The following DIAPH1 variants were observed in gnomAD, a reference collection of about 807,000 sequenced individuals.
The protein encoded by DIAPH1 is diaphanous related formin 1, also known as protein diaphanous homolog 1.
In DIAPH1, 46 loss-of-function variants were observed where a neutral mutation model predicts 140.7. The ratio of observed to expected loss-of-function variants is 0.33; its 90% CI spans 0.26 to 0.42. DIAPH1 has a LOEUF of 0.42. Ranked by LOEUF, DIAPH1 falls within the 10% of genes least tolerant of loss-of-function variation. DIAPH1 has a pLI of 1.00. For synonymous variants in DIAPH1, 565 were observed against 551.6 expected, an observed-to-expected ratio of 1.02 and a Z score of -0.34; for missense variants, 1,310 against 1,558.7, an observed-to-expected ratio of 0.84 and a Z score of 2.69.
intron 18 of DIAPH1, among the ~76,000 whole-genome samples, chr5:141,556,281 A>C (rs1168485393): frequency 6.6e-6 from 1 of 152,144 alleles, no homozygotes; most frequent in Admixed American, 6.5e-5. Context: ...ATTGAGTCTT[A>C]CCAGGGAGAA....
At chr5:141,577,393 A>T in intron 12 of DIAPH1, 82 bp downstream of exon 12, 1 of 1,021,722 alleles carries the variant, frequency 9.8e-7, no homozygotes, top group Non-Finnish European at 1.6e-6. Context: ...TTTTCCTTTT[A>T]CAGAACAATC....
At chr5:141,613,880 C>A (rs1281212773) in intron 1 of DIAPH1, among the ~76,000 whole-genome samples, 1 of 152,184 alleles carries the variant, frequency 6.6e-6, no homozygotes, top group East Asian at 1.9e-4. Flanking sequence ...CAGCTTCTGA[C>A]TGCCCCTAAT....
At chr5:141,584,270 T>G (rs2099897203) in intron 3 of DIAPH1, 45 bp from the exon 4 acceptor site, 1 of 1,147,318 alleles carries the variant, frequency 8.7e-7, no homozygotes, top group Non-Finnish European at 1.3e-6. Context: ...TGCCTCAAAT[T>G]CTTTACAAAT....
At chr5:141,519,244 T>C (rs192819765) in intron 27 of DIAPH1, among the ~76,000 whole-genome samples, 1 of 152,338 alleles carries the variant, frequency 6.6e-6, no homozygotes, top group African/African-American at 2.4e-5. Flanking sequence ...TCAGGCCTCC[T>C]ACATTTCCAC....
intron 1 of DIAPH1, among the ~76,000 whole-genome samples, chr5:141,611,800 C>T (rs1470164029): frequency 6.6e-6 from 1 of 152,228 alleles, no homozygotes; most frequent in Non-Finnish European, 1.5e-5. Flanking sequence ...GGCACAGTGG[C>T]TCACGCCTGT....
In DIAPH1 at chr5:141,528,805, C is replaced by T. The variant is rs1296579213; in HGVS notation, c.2915G>A (p.Ser972Asn). 33 of 1,614,242 alleles carry T rather than the reference C, an allele frequency of 2.0e-5. No individual in the cohort carries two copies. The highest frequency in any genetic ancestry group is 2.7e-5 in the Non-Finnish European group (32 of 1,180,046). ...GGTAATCTCTAGGAGATTGGAAAAGCTCTCACTCTTACGTAACTCCTCACA... is the reference window on the plus strand; with the variant it reads ...GGTAATCTCTAGGAGATTGGAAAAGTTCTCACTCTTACGTAACTCCTCACA... Reference protein sequence around the residue: ...AACEELRKSESFSNLLEITLL... With the variant: ...AACEELRKSENFSNLLEITLL... Residue 972 changes from serine to asparagine, a missense_variant, in exon 22 of 28, where the codon AGC (serine) becomes AAC (asparagine). Coordinates refer to ENST00000389054, the MANE Select transcript of DIAPH1 (RefSeq NM_005219.5).
chr5:141,529,297 A>T lies in DIAPH1; in HGVS notation c.2677-24T>A. ...TTCTGAAAGACAGAAGAGACATCTCAGCTGGAGGGGAATTCGCTAACAACT... is the reference window on the plus strand; with the variant it reads ...TTCTGAAAGACAGAAGAGACATCTCTGCTGGAGGGGAATTCGCTAACAACT... On this transcript the variant is annotated intron_variant, in intron 20 of 27. Transcript: ENST00000389054. 1.9e-6 allele frequency: 3 copies of T among 1,581,588 alleles called. No homozygotes were observed. In the East Asian group the frequency reaches 6.7e-5, roughly 35 times the overall value.
intron 18 of DIAPH1, among the ~76,000 whole-genome samples, chr5:141,555,248 T>C (rs2154595734): frequency 6.6e-6 from 1 of 152,322 alleles, no homozygotes; most frequent in East Asian, 1.9e-4. Context: ...TGTAACTATG[T>C]GTAAATTTTA....
chr5:141,573,091 G>A (rs1028764960), intron 16 of DIAPH1, among the ~76,000 whole-genome samples: 9 of 152,292 alleles, frequency 5.9e-5, no homozygotes, highest in Admixed American at 2.6e-4. Flanking sequence ...GCCTTAAGGC[G>A]TAGCCCATCC....
chr5:141,581,015 T>C, intron 7 of DIAPH1, 132 bp from the exon 8 acceptor site: 1 of 993,366 alleles, frequency 1.0e-6, no homozygotes, highest in Non-Finnish European at 1.6e-6. Context: ...CCCCAGTACC[T>C]CAAAATGTAA....
chr5:141,539,241 C>A (rs1024227832), intron 18 of DIAPH1, among the ~76,000 whole-genome samples: 2 of 151,352 alleles, frequency 1.3e-5, no homozygotes, highest in African/African-American at 4.9e-5. Context: ...TGCCCCAGTG[C>A]ACTCCAGCCT....
Position 141,577,981 on chromosome 5 carries a change from T to C in DIAPH1, c.1163+244A>G, listed in dbSNP as rs2099896206. The C allele has an allele frequency of 5.1e-6, 3 of 586,334 alleles. No individual in the cohort carries two copies. The Admixed American group carries it at 8.5e-5, about 17-fold the overall frequency. 36.3% of individuals were successfully genotyped at this position (586,334 alleles called of 1,614,324 possible). On this transcript the variant is annotated intron_variant, in intron 11 of 27. Transcript: ENST00000389054. Reference sequence around the variant, plus strand: ...GCTAAGCTATCACATTCTAGGAAGTTTACACTGATTTTGATGGCTTCCATG... The same window carrying C: ...GCTAAGCTATCACATTCTAGGAAGTCTACACTGATTTTGATGGCTTCCATG...
intron 18 of DIAPH1, among the ~76,000 whole-genome samples, chr5:141,568,760 A>G (rs1177293876): frequency 6.6e-6 from 1 of 152,162 alleles, no homozygotes; most frequent in Non-Finnish European, 1.5e-5. Flanking sequence ...TCAATAAAAC[A>G]TAAGGGGGAT....
At chr5:141,580,599 A>AT in intron 8 of DIAPH1, 145 bp downstream of exon 8, 1 of 789,126 alleles carries the variant, frequency 1.3e-6, no homozygotes, top group Non-Finnish European at 2.1e-6. Context: ...AAATTTTAAG[A>AT]TGCTTAGTGT....
chr5:141,539,415 T>C (rs1471110697), intron 18 of DIAPH1, among the ~76,000 whole-genome samples: 1 of 137,144 alleles, frequency 7.3e-6, no homozygotes, highest in East Asian at 1.9e-4. Context: ...TTTGGGTAGT[T>C]TTGTTTTTTT....
intron 27 of DIAPH1, 58 bp downstream of exon 27, chr5:141,524,085 G>A: frequency 7.0e-7 from 1 of 1,426,102 alleles, no homozygotes; most frequent in Non-Finnish European, 9.9e-7. Flanking sequence ...CAGACTGGCA[G>A]GAGTAGAGAG....
chr5:141,577,329 A>G, intron 12 of DIAPH1, 146 bp downstream of exon 12: 1 of 735,954 alleles, frequency 1.4e-6, no homozygotes, highest in African/African-American at 1.7e-5. Flanking sequence ...AAATAAGACA[A>G]CTTCCTTTAT....
At chr5:141,545,180 A>G (rs966374039) in intron 18 of DIAPH1, among the ~76,000 whole-genome samples, 1 of 152,246 alleles carries the variant, frequency 6.6e-6, no homozygotes. Context: ...ACAAATGAAC[A>G]TGAAGGAACT....
chr5:141,610,250 G>A (rs113284720), intron 1 of DIAPH1, among the ~76,000 whole-genome samples: 7,194 of 152,082 alleles, frequency 0.047, 506 homozygotes, highest in African/African-American at 0.16. Flanking sequence ...TCCTGCCTCA[G>A]CCTCCCAAGT....
Sources: gnomAD v4.1 joint callset for allele counts (sites outside exome capture counted in the v4.1 genomes callset) on GRCh38, gnomAD v4.1.1 for gene constraint, MANE v1.5 for transcripts, NCBI Gene and HGNC (gene_info 2026-07-23, HGNC 2026-07-21) for gene names.